Variants in CHADL observed in about 807,000 individuals in gnomAD.
CHADL encodes the protein chondroadherin like.
CHADL carries 48 observed loss-of-function variants against 52.1 expected under a neutral mutation model. The ratio of observed to expected loss-of-function variants is 0.92; its 90% CI spans 0.73 to 1.17. The LOEUF is 1.17. CHADL is among the 50% of genes most tolerant of loss of function. CHADL has a pLI of 0.00. For synonymous variants in CHADL, 498 were observed against 511.2 expected, an observed-to-expected ratio of 0.97 and a Z score of 0.35; for missense variants, 977 against 1,035.1, an observed-to-expected ratio of 0.94 and a Z score of 0.77.
At chr22:41,232,825 G>A (rs1045521443) in intron 5 of CHADL, among the ~76,000 whole-genome samples, 20 of 152,070 alleles carry the variant, frequency 1.3e-4, no homozygotes, top group Admixed American at 7.9e-4. Context: ...TGAGCCTCCC[G>A]GGGCTGACGC....
At chr22:41,230,390 CGGT>C (rs765776235) in intron 5 of CHADL, 47 of 670,182 alleles carry the variant, frequency 7.0e-5, no homozygotes, top group Non-Finnish European at 8.3e-5. Context: ...GAAGGCTGGA[CGGT>C]GGAGGACCTG....
chr22:41,236,698 C>T (rs982160179), intron 3 of CHADL, 48 bp from the exon 4 acceptor site: 1 of 1,500,398 alleles, frequency 6.7e-7, no homozygotes, highest in Non-Finnish European at 8.9e-7. Flanking sequence ...CAGAGCTGTC[C>T]CACCCCCAAG....
In CHADL at chr22:41,238,004, G is replaced by A; in HGVS notation, c.1068C>T (p.Arg356=). 1.6e-6 allele frequency: 2 copies of A among 1,283,224 alleles called. No individual in the cohort carries two copies. Among genetic ancestry groups the A allele is most frequent in the Non-Finnish European group, 2.0e-6 (2 of 1,021,738 alleles). The allele number at this position is 1,283,224 out of a possible 1,614,324, so 79.5% of individuals were successfully genotyped here. ...ALDALRPWDL[R]CPGDAAQEEE... Reference sequence around the variant, plus strand: ...CTTCCTGCGCCGCGTCCCCAGGGCAGCGCAGGTCCCAGGGCCGCAGGGCGT... The same window carrying A: ...CTTCCTGCGCCGCGTCCCCAGGGCAACGCAGGTCCCAGGGCCGCAGGGCGT... Residue 356 remains arginine (R), a synonymous_variant, in exon 3 of 6, where the codon CGC becomes CGT. Transcript: ENST00000216241. The surrounding 1 kb of genome is among the most constrained non-coding windows in gnomAD (Gnocchi z 4.9).
chr22:41,239,308 G>C, intron 2 of CHADL, 135 bp downstream of exon 2: 1 of 734,338 alleles, frequency 1.4e-6, no homozygotes, highest in South Asian at 1.7e-5. Context: ...GTAAACTGAG[G>C]CTCAAAGAGA....
chr22:41,232,461 A>C (rs951420041), intron 5 of CHADL, among the ~76,000 whole-genome samples: 1 of 152,148 alleles, frequency 6.6e-6, no homozygotes, highest in Non-Finnish European at 1.5e-5. Context: ...CCAGACACCA[A>C]ACTAGACACG....
rs755544426 is a variant in CHADL at position 41,230,180 on chromosome 22, T to A, written c.2263-450A>T. 3 of 1,535,654 alleles carry A rather than the reference T, an allele frequency of 2.0e-6. No individual in the cohort carries two copies. The Admixed American group carries it at 5.3e-5, about 27-fold the overall frequency. On this transcript the variant is annotated intron_variant, in intron 5 of 5. Coordinates refer to ENST00000216241, the MANE Select transcript of CHADL (RefSeq NM_138481.2). ...GAAGGAAGAGCATCTAGACGTGGCC[T>A]CGCCCGACAAGGCTTCAAGTCCAGA...
chr22:41,235,433 G>C, intron 4 of CHADL, 90 bp from the exon 5 acceptor site: 1 of 1,041,700 alleles, frequency 9.6e-7, no homozygotes, highest in Non-Finnish European at 1.4e-6. Flanking sequence ...GGCAGGGTTG[G>C]TGCAGAAGGC....
Position 41,238,894 on chromosome 22 carries a change from A to G in CHADL, c.187-9T>C, listed in dbSNP as rs989845887. 1.3e-6 allele frequency: 2 copies of G among 1,523,436 alleles called. No homozygotes were observed. Among genetic ancestry groups the G allele is most frequent in the Admixed American group, 2.0e-5 (1 of 49,278 alleles). 94.4% of individuals were successfully genotyped at this position (1,523,436 alleles called of 1,614,324 possible). On this transcript the variant is annotated splice_polypyrimidine_tract_variant and intron_variant, in intron 2 of 5. Transcript: ENST00000216241. This position sits in a 1 kb window ranked among gnomAD's most constrained non-coding sequence, Gnocchi z 4.9. ...TCCAGCCGCTGGGTCAGCTGGGGAC[A>G]GCGAGGAGAAAGTGGGGCTGAGCCA...
At chr22:41,240,803 G>A (rs1261508255) in intron 1 of CHADL, 71 bp downstream of exon 1, 2 of 1,533,278 alleles carry the variant, frequency 1.3e-6, no homozygotes, top group Admixed American at 3.9e-5. Context: ...GGCCCAGAGG[G>A]GGCAGAGACT....
chr22:41,235,324 G>C lies in CHADL; in HGVS notation c.2083C>G (p.Leu695Val). Reference protein sequence around the residue: ...PLHRWLTGLNLRVGATCATPP... With the variant: ...PLHRWLTGLNVRVGATCATPP... Reference sequence around the variant, plus strand: ...GTGGCGCAGGTGGCCCCCACCCGCAGGTTCAGCCCAGTAAGCCACCTGAAG... The same window carrying C: ...GTGGCGCAGGTGGCCCCCACCCGCACGTTCAGCCCAGTAAGCCACCTGAAG... The change falls in exon 5 of 6, where the codon CTG (leucine) becomes GTG (valine). Residue 695 changes from leucine to valine, a missense_variant. Leu to Val is a conservative substitution (Grantham distance 32). Transcript: ENST00000216241. 1 of 1,550,950 alleles carries C rather than the reference G, an allele frequency of 6.4e-7. No homozygotes were observed. The highest frequency in any genetic ancestry group is 1.2e-5 in the South Asian group (1 of 84,046).
At chr22:41,240,817 C>G in intron 1 of CHADL, 57 bp downstream of exon 1, 1 of 1,547,732 alleles carries the variant, frequency 6.5e-7, no homozygotes, top group Non-Finnish European at 8.7e-7. Flanking sequence ...AGAGACTTAC[C>G]TGAGGCCACT....
At position 41,238,112 on chromosome 22, in the gene CHADL, G is replaced by C; in HGVS notation, c.960C>G (p.Pro320=). Residue 320 remains proline, a synonymous_variant, in exon 3 of 6, where the codon CCC becomes CCG. Coordinates refer to ENST00000216241, the MANE Select transcript of CHADL (RefSeq NM_138481.2). This position sits in a 1 kb window ranked among gnomAD's most constrained non-coding sequence, Gnocchi z 4.9. The stretch of plus-strand genomic sequence containing the variant: ...GCGCCCGCGCCAGCCACTCGAGTAG[G>C]GGCCGCGCCTGGCAGCCGCACCACA... ...NPLWCGCQAR[P]LLEWLARARV... 1.5e-6 allele frequency: 2 copies of C among 1,333,514 alleles called. No homozygotes were observed. The highest frequency in any genetic ancestry group is 4.1e-5 in the South Asian group (2 of 48,794). The allele number at this position is 1,333,514 out of a possible 1,614,324, so 82.6% of individuals were successfully genotyped here.
At position 41,229,566 on chromosome 22, in the gene CHADL, C is replaced by T. The variant is rs151099443; in HGVS notation, c.*138G>A. ...GAAAAGAATCCCGCCCACTAAGACG[C>T]GACCCCTCAGACAGGGGTCCAAGAA... On this transcript the variant is annotated 3_prime_UTR_variant, in exon 6 of 6. Coordinates refer to ENST00000216241, the MANE Select transcript of CHADL (RefSeq NM_138481.2). 5 of 1,612,830 alleles carry T rather than the reference C, an allele frequency of 3.1e-6. No homozygotes were observed. Among genetic ancestry groups the T allele is most frequent in the Admixed American group, 3.3e-5 (2 of 59,996 alleles).
At position 41,239,461 on chromosome 22, in the gene CHADL, C is replaced by CACCTCAGTGAGGTTCTGGT. The variant is rs1233566927; in HGVS notation, c.149_167dup (p.Asp58GlufsTer4). 4 of 1,550,788 alleles carry CACCTCAGTGAGGTTCTGGT rather than the reference C, an allele frequency of 2.6e-6. No individual in the cohort carries two copies. ...TGCTGACCTCAGGGATGGCGTCTGG[C>CACCTCAGTGAGGTTCTGGT]ACCTCAGTGAGGTTCTGGTACCGGC... On this transcript the variant is annotated stop_gained and frameshift_variant, in exon 2 of 6. Coordinates refer to ENST00000216241, the MANE Select transcript of CHADL (RefSeq NM_138481.2). LOFTEE classifies it high-confidence loss of function.
At chr22:41,230,265 C>T (rs202141060) in intron 5 of CHADL, 2 of 1,601,126 alleles carry the variant, frequency 1.2e-6, no homozygotes, top group East Asian at 2.2e-5. Context: ...TTCCTGCCTC[C>T]AGCCTGGCTT....
In CHADL at chr22:41,238,188, G is replaced by A. The variant is rs1211482496; in HGVS notation, c.884C>T (p.Pro295Leu). ...LRGNQLDTLP[P>L]LQGPGQLRRL... ...GCGCAGCTGGCCCGGGCCCTGCAGC[G>A]GGGGCAGGGTGTCTAGCTGGTTCCC... Residue 295 changes from proline to leucine, a missense_variant, in exon 3 of 6, where the codon CCG becomes CTG. Pro to Leu is a moderately conservative substitution (Grantham distance 98). Coordinates refer to ENST00000216241, the MANE Select transcript of CHADL (RefSeq NM_138481.2). This position sits in a 1 kb window ranked among gnomAD's most constrained non-coding sequence, Gnocchi z 4.9. 5 of 1,508,502 alleles carry A rather than the reference G, an allele frequency of 3.3e-6. No homozygotes were observed. In the South Asian group the frequency reaches 4.9e-5, roughly 15 times the overall value. The allele number at this position is 1,508,502 out of a possible 1,614,324, so 93.4% of individuals were successfully genotyped here.
chr22:41,231,765 C>T (rs2032597874), intron 5 of CHADL, among the ~76,000 whole-genome samples: 1 of 152,192 alleles, frequency 6.6e-6, no homozygotes, highest in Admixed American at 6.5e-5. Flanking sequence ...ATCCCTGCTT[C>T]TGCCTCAGGA....
intron 5 of CHADL, among the ~76,000 whole-genome samples, chr22:41,233,973 C>G (rs2032686193): frequency 6.6e-6 from 1 of 152,178 alleles, no homozygotes. Context: ...GCACCCTTCT[C>G]TGATATGCTG....
intron 5 of CHADL, among the ~76,000 whole-genome samples, chr22:41,233,557 A>G (rs1160873258): frequency 6.6e-6 from 1 of 152,158 alleles, no homozygotes; most frequent in East Asian, 1.9e-4. Context: ...ACAGAGATGG[A>G]GATTATGCTG....
Sources: allele counts gnomAD v4.1 joint callset (sites outside exome capture counted in the v4.1 genomes callset), GRCh38; gene constraint gnomAD v4.1.1; non-coding constraint Gnocchi (gnomAD v3.1); transcripts MANE v1.5; gene names NCBI Gene and HGNC (gene_info 2026-07-23, HGNC 2026-07-21).